The following ZNF354C variants were observed in gnomAD, a reference collection of about 807,000 sequenced individuals.
The protein encoded by ZNF354C is zinc finger protein 354C.
Under a neutral mutation model 12.4 loss-of-function variants are expected in ZNF354C, and 7 were observed. The observed-to-expected ratio is 0.56, with a 90% CI of 0.32 to 1.06. ZNF354C has a LOEUF of 1.06. ZNF354C is among the 50% of genes least tolerant of loss of function. The probability of loss-of-function intolerance (pLI) is 0.04; values close to 1 mark genes in which losing one functional copy is unlikely to be tolerated. For missense variants in ZNF354C, 609 were observed against 658.0 expected, an observed-to-expected ratio of 0.93 and a Z score of 0.81; for synonymous variants, 202 against 224.5, an observed-to-expected ratio of 0.90 and a Z score of 0.90.
At chr5:179,070,142 T>C (rs1487256123) in intron 2 of ZNF354C, among the ~76,000 whole-genome samples, 1 of 152,146 alleles carries the variant, frequency 6.6e-6, no homozygotes, top group African/African-American at 2.4e-5. Context: ...GGCAGCGGCA[T>C]TAGATTTCAT....
At chr5:179,068,583 A>G (rs1249930278) in intron 2 of ZNF354C, among the ~76,000 whole-genome samples, 2 of 150,418 alleles carry the variant, frequency 1.3e-5, no homozygotes. Flanking sequence ...TAATTTGTAT[A>G]CTTTTTAAAA....
rs375897766 is a variant in ZNF354C at position 179,076,530 on chromosome 5, G to A, written c.113G>A (p.Arg38Gln). 2.8e-5 allele frequency: 45 copies of A among 1,614,030 alleles called. No individual in the cohort carries two copies. The highest frequency in any genetic ancestry group is 6.7e-5 in the African/African-American group (5 of 74,926). Reference protein sequence around the residue: ...HLDSAQRALYREVMLENYSSL... With the variant: ...HLDSAQRALYQEVMLENYSSL... Reference sequence around the variant, plus strand: ...GACTCTGCCCAGAGGGCCTTGTACCGGGAGGTGATGCTGGAGAACTACAGC... The same window carrying A: ...GACTCTGCCCAGAGGGCCTTGTACCAGGAGGTGATGCTGGAGAACTACAGC... Residue 38 changes from arginine to glutamine, a missense_variant, in exon 3 of 5, where the codon CGG (arginine) becomes CAG (glutamine). By Grantham distance (43) the Arg-to-Gln change is conservative (BLOSUM62 1). Transcript: ENST00000315475.
chr5:179,069,573 A>AAG lies in ZNF354C; in HGVS notation c.28-6871_28-6870insGA, dbSNP rs1554119868. Among the ~76,000 whole-genome samples the AAG allele has an allele frequency of 1.1e-4, 16 of 150,162 alleles. No individual in the cohort carries two copies. In the East Asian group the frequency reaches 2.9e-3, roughly 28 times the overall value. On this transcript the variant is annotated intron_variant, in intron 2 of 4. Transcript: ENST00000315475. ...CAAGACTCCATCTCAAAAAAAAAAA[A>AAG]AAAAAAGAAAGGCCGGGCACGGTGG...
Position 179,079,671 on chromosome 5 carries a change from G to A in ZNF354C, c.1239G>A (p.Gln413=), listed in dbSNP as rs763913433. Residue 413 remains glutamine, a synonymous_variant, in exon 5 of 5, where the codon CAG becomes CAA. Transcript: ENST00000315475. This position sits in a 1 kb window ranked among gnomAD's most constrained non-coding sequence, Gnocchi z 4.2. ...TTCACACTGGACAAAAACCTTATCA[G>A]TGCAACGAATGTGAGAAAGCCTTCA... ...QRIHTGQKPY[Q]CNECEKAFNQ... is the part of the protein sequence containing the mutation. 6.2e-7 allele frequency: 1 copy of A among 1,614,168 alleles called. No homozygotes were observed. The highest frequency in any genetic ancestry group is 8.5e-7 in the Non-Finnish European group (1 of 1,180,020).
chr5:179,079,666 T>TATC lies in ZNF354C; in HGVS notation c.1236_1238dup (p.Tyr412_Gln413insHis), dbSNP rs754308117. The TATC allele has an allele frequency of 9.3e-6, 15 of 1,614,190 alleles. No homozygotes were observed. In the East Asian group the frequency reaches 2.5e-4, roughly 26 times the overall value. Reference sequence around the variant, plus strand: ...GCGAATTCACACTGGACAAAAACCTTATCAGTGCAACGAATGTGAGAAAGC... The same window carrying TATC: ...GCGAATTCACACTGGACAAAAACCTTATCATCAGTGCAACGAATGTGAGAAAGC... On this transcript the variant is annotated inframe_insertion, in exon 5 of 5. Coordinates refer to ENST00000315475, the MANE Select transcript of ZNF354C (RefSeq NM_014594.3). This position sits in a 1 kb window ranked among gnomAD's most constrained non-coding sequence, Gnocchi z 4.2.
chr5:179,071,185 T>G (rs1451624488), intron 2 of ZNF354C, among the ~76,000 whole-genome samples: 1 of 151,962 alleles, frequency 6.6e-6, no homozygotes, highest in Non-Finnish European at 1.5e-5. Context: ...CAGGACTCCC[T>G]TAGTCACTGT....
chr5:179,077,064 T>C lies in ZNF354C; in HGVS notation c.155-7T>C. ...TGTTCAAACTTCATTTGCTTCCTCA[T>C]GAGCAGGGATTCCATTTTCAATGCC... On this transcript the variant is annotated splice_polypyrimidine_tract_variant and splice_region_variant and intron_variant, in intron 3 of 4. Coordinates refer to ENST00000315475, the MANE Select transcript of ZNF354C (RefSeq NM_014594.3). 1 of 1,613,576 alleles carries C rather than the reference T, an allele frequency of 6.2e-7. No homozygotes were observed. Among genetic ancestry groups the C allele is most frequent in the Non-Finnish European group, 8.5e-7 (1 of 1,179,564 alleles).
intron 2 of ZNF354C, among the ~76,000 whole-genome samples, chr5:179,071,679 T>C (rs1437412813): frequency 6.6e-6 from 1 of 152,142 alleles, no homozygotes; most frequent in Non-Finnish European, 1.5e-5. Context: ...AAACTTGCAG[T>C]CTTACTGGTG....
chr5:179,082,804 G>T lies in ZNF354C; in HGVS notation c.*2707G>T. On this transcript the variant is annotated 3_prime_UTR_variant, in exon 5 of 5. Transcript: ENST00000315475. ...TCATCCAGGGTGATGTTCTTCAAGC[G>T]ACTGACCAACCGATCAGGTCGAGGA... 7.4e-7 allele frequency: 1 copy of T among 1,350,530 alleles called. No individual in the cohort carries two copies. Among genetic ancestry groups the T allele is most frequent in the Non-Finnish European group, 1.1e-6 (1 of 941,008 alleles). The allele number at this position is 1,350,530 out of a possible 1,614,324, so 83.7% of individuals were successfully genotyped here.
At chr5:179,076,598 A>T (rs773699801) in intron 3 of ZNF354C, 27 bp downstream of exon 3, 6 of 1,613,024 alleles carry the variant, frequency 3.7e-6, no homozygotes, top group Non-Finnish European at 5.1e-6. Flanking sequence ...ATGACGAAGA[A>T]TCTGTTATAG....
At position 179,062,711 on chromosome 5, in the gene ZNF354C, CAGA is replaced by C. The variant is rs576736303; in HGVS notation, c.27+619_27+621del. On this transcript the variant is annotated intron_variant, in intron 2 of 4. Transcript: ENST00000315475. ...TCAGCGTGGTTTGGGCTTTGAAGCC[CAGA>C]AGGAGGCAGGCCTGGGGCCTTCCCC... Among the ~76,000 whole-genome samples the C allele has an allele frequency of 1.3e-3, 191 of 152,296 alleles. 1 individual carries two copies. Among genetic ancestry groups the C allele is most frequent in the African/African-American group, 4.3e-3 (177 of 41,560 alleles).
At chr5:179,067,383 TA>T (rs1468469661) in intron 2 of ZNF354C, among the ~76,000 whole-genome samples, 1 of 152,160 alleles carries the variant, frequency 6.6e-6, no homozygotes, top group Non-Finnish European at 1.5e-5. Flanking sequence ...ATTATTTTAC[TA>T]CTTTTTCTTG....
At position 179,080,608 on chromosome 5, in the gene ZNF354C, C is replaced by T. The variant is rs1380174263; in HGVS notation, c.*511C>T. 6.6e-6 allele frequency: 1 copy of T among 152,170 alleles called. No homozygotes were observed. Among genetic ancestry groups the T allele is most frequent in the African/African-American group, 2.4e-5 (1 of 41,396 alleles). The allele number at this position is 152,170 out of a possible 1,614,324, so 9.4% of individuals were successfully genotyped here. ...TAATAAAGCTCTTTATATGAGCTGTCCCACCAGCAACTTATATATGTAAAC... is the reference window on the plus strand; with the variant it reads ...TAATAAAGCTCTTTATATGAGCTGTTCCACCAGCAACTTATATATGTAAAC... On this transcript the variant is annotated 3_prime_UTR_variant, in exon 5 of 5. Transcript: ENST00000315475.
In ZNF354C at chr5:179,082,840, C is replaced by T; in HGVS notation, c.*2743C>T. 7.9e-7 allele frequency: 1 copy of T among 1,269,350 alleles called. No homozygotes were observed. The highest frequency in any genetic ancestry group is 1.2e-6 in the Non-Finnish European group (1 of 867,082). The allele number at this position is 1,269,350 out of a possible 1,614,324, so 78.6% of individuals were successfully genotyped here. On this transcript the variant is annotated 3_prime_UTR_variant, in exon 5 of 5. Coordinates refer to ENST00000315475, the MANE Select transcript of ZNF354C (RefSeq NM_014594.3). ...CGATCAGGTCGAGGAGCTGCAACAG[C>T]CTTGGGGCCCTCACAGACTCGCCAA... is the stretch of plus-strand genomic sequence containing the variant.
chr5:179,064,348 C>T (rs112098471), intron 2 of ZNF354C, among the ~76,000 whole-genome samples: 25 of 151,444 alleles, frequency 1.7e-4, no homozygotes, highest in African/African-American at 4.1e-4. Flanking sequence ...TGGGCTCCTG[C>T]GATCCTCCTG....
chr5:179,083,522 G>GTGAT lies in ZNF354C; in HGVS notation c.*3428_*3431dup, dbSNP rs1232843551. On this transcript the variant is annotated 3_prime_UTR_variant, in exon 5 of 5. Transcript: ENST00000315475. ...TCAATTTTTAATAAAAATGCAAAAA[G>GTGAT]TGATTGGATAAAGAAGTGATGAATA... is the stretch of plus-strand genomic sequence containing the variant. 8 of 90,702 alleles carry GTGAT rather than the reference G, an allele frequency of 8.8e-5. No homozygotes were observed. The highest frequency in any genetic ancestry group is 3.6e-4 in the Admixed American group (3 of 8,240). 5.6% of individuals were successfully genotyped at this position (90,702 alleles called of 1,614,324 possible). A position where few individuals can be genotyped will look rare whatever the true frequency, so the allele number is the denominator to read the frequency against.
intron 2 of ZNF354C, among the ~76,000 whole-genome samples, chr5:179,072,043 T>C (rs1395961619): frequency 1.3e-5 from 2 of 151,974 alleles, no homozygotes; most frequent in South Asian, 2.1e-4. Context: ...GGTAGGCATA[T>C]GAAGAAATGG....
chr5:179,076,370 C>T, intron 2 of ZNF354C, 75 bp from the exon 3 acceptor site: 1 of 1,598,660 alleles, frequency 6.3e-7, no homozygotes, highest in South Asian at 1.1e-5. Flanking sequence ...CTGTACATCC[C>T]ACTGTCACTT....
chr5:179,078,907 A>C lies in ZNF354C; in HGVS notation c.475A>C (p.Asn159His), dbSNP rs1233550441. ...TGAGAAAACCATCAGTGAAGATGGA[A>C]ACCATACAAGTCTTGAATTGGGGAA... ...SHEKTISEDG[N>H]HTSLELGKSL... is the part of the protein sequence containing the mutation. The change falls in exon 5 of 5, where the codon AAC (asparagine) becomes CAC (histidine). Residue 159 changes from asparagine (N) to histidine (H), a missense_variant. Asn to His is a moderately conservative substitution (Grantham distance 68, BLOSUM62 1). Transcript: ENST00000315475. The C allele has an allele frequency of 6.2e-7, 1 of 1,614,038 alleles. No individual in the cohort carries two copies. The highest frequency in any genetic ancestry group is 2.2e-5 in the East Asian group (1 of 44,880).
Sources: gnomAD v4.1 joint callset for allele counts (sites outside exome capture counted in the v4.1 genomes callset) on GRCh38, gnomAD v4.1.1 for gene constraint, Gnocchi (gnomAD v3.1) non-coding constraint, MANE v1.5 for transcripts, NCBI Gene and HGNC (gene_info 2026-07-23, HGNC 2026-07-21) for gene names.